The following CFAP44 variants were observed in gnomAD, a reference collection of about 807,000 sequenced individuals.
CFAP44 encodes cilia and flagella associated protein 44, also known as cilia- and flagella-associated protein 44.
Under a neutral mutation model 216.2 loss-of-function variants are expected in CFAP44, and 134 were observed. That is an observed-to-expected ratio of 0.62 (90% CI 0.54 to 0.72). The LOEUF (loss-of-function observed/expected upper bound fraction) is 0.72. Among genes scored for constraint, CFAP44 ranks in the 30% least tolerant of loss-of-function variants. The probability of loss-of-function intolerance (pLI) is 0.00; values close to 1 mark genes in which losing one functional copy is unlikely to be tolerated. For synonymous variants in CFAP44, 700 were observed against 727.6 expected (o/e 0.96, Z 0.61); for missense variants, 2,035 against 2,182.1 (o/e 0.93, Z 1.34).
intron 1 of CFAP44, among the ~76,000 whole-genome samples, chr3:113,438,483 A>G (rs1935286220): frequency 6.6e-6 from 1 of 152,210 alleles, no homozygotes; most frequent in African/African-American, 2.4e-5. Flanking sequence ...CACCTACTGG[A>G]TAAGGTTGTT....
intron 17 of CFAP44, 36 bp downstream of exon 17, chr3:113,379,270 T>C: frequency 7.0e-7 from 1 of 1,423,664 alleles, no homozygotes; most frequent in Non-Finnish European, 9.4e-7. Context: ...TATATTGAAA[T>C]ATGATTGAGG....
intron 33 of CFAP44, among the ~76,000 whole-genome samples, chr3:113,295,536 T>C (rs1949872025): frequency 6.6e-6 from 1 of 152,240 alleles, no homozygotes; most frequent in South Asian, 2.1e-4. Context: ...ATTAGAAAAG[T>C]TGAGATGGAG....
chr3:113,321,238 A>T (rs1159675301), intron 28 of CFAP44, among the ~76,000 whole-genome samples: 1 of 152,222 alleles, frequency 6.6e-6, no homozygotes, highest in Non-Finnish European at 1.5e-5. Context: ...AGTAAATGTG[A>T]TTCACCACAT....
chr3:113,381,981 A>C (rs1366942422), intron 15 of CFAP44, among the ~76,000 whole-genome samples: 1 of 152,214 alleles, frequency 6.6e-6, no homozygotes, highest in African/African-American at 2.4e-5. Context: ...TCTGAGCTTC[A>C]AGGTAAAAAA....
chr3:113,400,416 C>T (rs973005977), intron 12 of CFAP44, 129 bp downstream of exon 12: 6 of 706,920 alleles, frequency 8.5e-6, no homozygotes, highest in East Asian at 3.0e-5. Context: ...CAGCTCAACT[C>T]GCTTGCATTC....
At chr3:113,420,670 A>G (rs1163618180) in intron 4 of CFAP44, among the ~76,000 whole-genome samples, 2 of 152,202 alleles carry the variant, frequency 1.3e-5, no homozygotes, top group African/African-American at 4.8e-5. Flanking sequence ...GACTAACCAC[A>G]GTAAAAATAT....
intron 9 of CFAP44, 137 bp from the exon 10 acceptor site, chr3:113,401,876 T>TAAGAA (rs1231222173): frequency 2.1e-6 from 2 of 938,626 alleles, no homozygotes; most frequent in Non-Finnish European, 3.1e-6. Context: ...ACAAGTGTGA[T>TAAGAA]AAGAACACCA....
At chr3:113,380,725 A>T (rs911520517) in intron 16 of CFAP44, among the ~76,000 whole-genome samples, 174 bp downstream of exon 16, 4 of 152,104 alleles carry the variant, frequency 2.6e-5, no homozygotes, top group African/African-American at 9.7e-5. Flanking sequence ...TTTTGATTTC[A>T]GTATCTATTT....
At chr3:113,409,720 G>C (rs974978102) in intron 6 of CFAP44, among the ~76,000 whole-genome samples, 1 of 152,166 alleles carries the variant, frequency 6.6e-6, no homozygotes, top group Non-Finnish European at 1.5e-5. Context: ...TAACTCACCA[G>C]ATCAGATAGG....
intron 22 of CFAP44, among the ~76,000 whole-genome samples, chr3:113,345,801 T>C (rs1041016129): frequency 6.6e-5 from 10 of 152,350 alleles, no homozygotes; most frequent in African/African-American, 2.4e-4. Flanking sequence ...TATTTTTGTA[T>C]AGATTGATTA....
chr3:113,410,502 T>C (rs1371649641), intron 6 of CFAP44, among the ~76,000 whole-genome samples: 1 of 152,368 alleles, frequency 6.6e-6, no homozygotes, highest in African/African-American at 2.4e-5. Context: ...GGCTGCATAG[T>C]ATTCCATGGT....
intron 24 of CFAP44, among the ~76,000 whole-genome samples, chr3:113,341,206 G>A (rs1211073875): frequency 6.6e-6 from 1 of 152,070 alleles, no homozygotes; most frequent in Non-Finnish European, 1.5e-5. Context: ...GGCAGGAAAT[G>A]CCTGTCCTCA....
intron 4 of CFAP44, among the ~76,000 whole-genome samples, chr3:113,422,339 T>C (rs1000763793): frequency 6.6e-6 from 1 of 152,136 alleles, no homozygotes; most frequent in African/African-American, 2.4e-5. Context: ...AAAGAAATTA[T>C]GGAAAGTTTT....
At chr3:113,422,768 T>C (rs1258441370) in intron 4 of CFAP44, among the ~76,000 whole-genome samples, 3 of 152,188 alleles carry the variant, frequency 2.0e-5, no homozygotes, top group African/African-American at 4.8e-5. Flanking sequence ...GCTATGAGAA[T>C]AGAAATTGGT....
At chr3:113,397,420 G>A (rs1934019732) in intron 13 of CFAP44, 1 of 152,354 alleles carries the variant, frequency 6.6e-6, no homozygotes, top group Admixed American at 6.5e-5. Flanking sequence ...GTCACAATAA[G>A]AAAAGCCTTC....
chr3:113,352,840 A>G (rs551057493), intron 22 of CFAP44, among the ~76,000 whole-genome samples: 96 of 152,316 alleles, frequency 6.3e-4, no homozygotes, highest in Non-Finnish European at 1.1e-3. Flanking sequence ...TTTGCCTATT[A>G]GATTGGTAAA....
rs1459884338 is a variant in CFAP44, at chr3:113,346,165, G to A, written c.3066-1453C>T. Among the ~76,000 whole-genome samples the A allele has an allele frequency of 3.3e-5, 5 of 151,958 alleles. No individual in the cohort carries two copies. The South Asian group carries it at 8.4e-4, about 25-fold the overall frequency. ...GCACCAATCAACACTCTGTAAAAAC[G>A]CACCAATCAGCGCTCTGTGTCTAGC... On this transcript the variant is annotated intron_variant, in intron 22 of 34. Transcript: ENST00000393845.
At position 113,420,005 on chromosome 3, in the gene CFAP44, T is replaced by C. The variant is rs756444958; in HGVS notation, c.570+12A>G. 1 of 1,606,356 alleles carries C rather than the reference T, an allele frequency of 6.2e-7. No homozygotes were observed. Among genetic ancestry groups the C allele is most frequent in the Non-Finnish European group, 8.5e-7 (1 of 1,177,492 alleles). ...TTTTTTGGGGTTTTTTTCTAATTTATTGAAGGCATACCCCAATGACGCCAA... is the reference window on the plus strand; with the variant it reads ...TTTTTTGGGGTTTTTTTCTAATTTACTGAAGGCATACCCCAATGACGCCAA... On this transcript the variant is annotated intron_variant, in intron 5 of 34. Transcript: ENST00000393845.
At chr3:113,376,507 T>A (rs371029096) in intron 17 of CFAP44, among the ~76,000 whole-genome samples, 172 of 152,318 alleles carry the variant, frequency 1.1e-3, no homozygotes, top group African/African-American at 3.9e-3. Context: ...GTTCTGCACA[T>A]GAGAAGCCAG....
Sources: gnomAD v4.1 joint callset for allele counts (sites outside exome capture counted in the v4.1 genomes callset) on GRCh38, gnomAD v4.1.1 for gene constraint, MANE v1.5 for transcripts, NCBI Gene and HGNC (gene_info 2026-07-23, HGNC 2026-07-21) for gene names.